The following GABRB2 variants were observed in gnomAD, a reference collection of about 807,000 sequenced individuals.
GABRB2 encodes gamma-aminobutyric acid type A receptor subunit beta2.
In GABRB2, 16 loss-of-function variants were observed where a neutral mutation model predicts 54.7. That is an observed-to-expected ratio of 0.29 (90% CI 0.20 to 0.44). GABRB2 has a LOEUF of 0.44. Among genes scored for constraint, GABRB2 ranks in the 20% least tolerant of loss-of-function variants. GABRB2 has a pLI of 1.00. For missense variants in GABRB2, 355 were observed against 644.0 expected (o/e 0.55, Z 4.86); for synonymous variants, 244 against 233.8 (o/e 1.04, Z -0.40).
At chr5:161,367,581 T>G (rs1755007146) in intron 5 of GABRB2, among the ~76,000 whole-genome samples, 1 of 152,240 alleles carries the variant, frequency 6.6e-6, no homozygotes, top group Admixed American at 6.5e-5. Context: ...ATTTCTAGTT[T>G]GTTGTATTTA....
Position 161,545,292 on chromosome 5 carries a change from G to C in GABRB2, c.172C>G (p.Pro58Ala), listed in dbSNP as rs769551029. 4.4e-6 allele frequency: 7 copies of C among 1,595,346 alleles called. No homozygotes were observed. The African/African-American group carries it at 8.2e-5, about 19-fold the overall frequency. Reference protein sequence around the residue: ...DIRLRPDFGGPPVAVGMNIDI... With the variant: ...DIRLRPDFGGAPVAVGMNIDI... ...ATGTTCATCCCCACAGCCACGGGGG[G>C]ACCTGCAAAGCAAGACGGCCAGCCA... Residue 58 changes from proline to alanine, a missense_variant and splice_region_variant, in exon 3 of 10, where the codon CCC becomes GCC. By Grantham distance (27) the Pro-to-Ala change is conservative. Coordinates refer to ENST00000393959, the MANE Select transcript of GABRB2 (RefSeq NM_001371727.1).
At chr5:161,327,399 A>AT (rs370109186) in intron 8 of GABRB2, among the ~76,000 whole-genome samples, 1,531 of 150,028 alleles carry the variant, frequency 0.01, 32 homozygotes, top group African/African-American at 0.035. Flanking sequence ...ATTTTATTTT[A>AT]TTTTTTTTTG....
intron 5 of GABRB2, among the ~76,000 whole-genome samples, chr5:161,402,305 T>C (rs1007584057): frequency 2.6e-5 from 4 of 152,126 alleles, no homozygotes; most frequent in Non-Finnish European, 5.9e-5. Context: ...ATAAGATATA[T>C]GTGATAATAC....
intron 9 of GABRB2, among the ~76,000 whole-genome samples, chr5:161,297,765 T>C (rs1050509881): frequency 5.9e-5 from 9 of 152,190 alleles, no homozygotes; most frequent in African/African-American, 2.2e-4. Context: ...GTCTTTATAG[T>C]AGAATGATTT....
intron 4 of GABRB2, among the ~76,000 whole-genome samples, chr5:161,455,672 A>G (rs969567288): frequency 6.6e-6 from 1 of 151,822 alleles, no homozygotes. Context: ...AGCAGGCACT[A>G]CAGGCACATG....
chr5:161,301,358 T>C (rs1757531348), intron 9 of GABRB2, among the ~76,000 whole-genome samples: 1 of 152,274 alleles, frequency 6.6e-6, no homozygotes, highest in East Asian at 1.9e-4. Context: ...ATGGATTTCC[T>C]GATTATCTTT....
At chr5:161,522,942 T>C (rs1760164201) in intron 3 of GABRB2, among the ~76,000 whole-genome samples, 1 of 150,412 alleles carries the variant, frequency 6.6e-6, no homozygotes, top group Admixed American at 6.6e-5. Context: ...AATTTGTGTA[T>C]GTGTGTGTGT....
intron 3 of GABRB2, among the ~76,000 whole-genome samples, chr5:161,479,298 G>T (rs559336605): frequency 6.6e-6 from 1 of 152,040 alleles, no homozygotes; most frequent in East Asian, 1.9e-4. Context: ...CAGGGTTGAA[G>T]TGGAATACCC....
chr5:161,360,058 T>A (rs994162680), intron 5 of GABRB2, among the ~76,000 whole-genome samples: 15 of 150,368 alleles, frequency 1.0e-4, no homozygotes, highest in African/African-American at 3.7e-4. Flanking sequence ...ACTACAGCCT[T>A]GGCGACACAG....
chr5:161,302,905 G>GAA (rs894042829), intron 9 of GABRB2, among the ~76,000 whole-genome samples: 13 of 152,288 alleles, frequency 8.5e-5, no homozygotes, highest in African/African-American at 3.1e-4. Flanking sequence ...CTGTGCTGAA[G>GAA]AAAATGGAGC....
chr5:161,418,048 T>C (rs1580969143), intron 4 of GABRB2, among the ~76,000 whole-genome samples: 1 of 150,606 alleles, frequency 6.6e-6, no homozygotes, highest in East Asian at 1.9e-4. Flanking sequence ...CTGTGACTCT[T>C]TCATTTTCTG....
rs138260516 is a variant in GABRB2 at position 161,395,861 on chromosome 5, C to A, written c.541+15114G>T. Among the ~76,000 whole-genome samples the A allele has an allele frequency of 5.2e-3, 787 of 152,120 alleles. 8 individuals carry two copies. The highest frequency in any genetic ancestry group is 0.018 in the African/African-American group (737 of 41,498). ...GCCCTTATACCTTCTACCTTGCTGTCATCAAAAGGTAATTCTCTCCAACTC... is the reference window on the plus strand; with the variant it reads ...GCCCTTATACCTTCTACCTTGCTGTAATCAAAAGGTAATTCTCTCCAACTC... On this transcript the variant is annotated intron_variant, in intron 5 of 9. Transcript: ENST00000393959.
At chr5:161,401,862 G>A (rs1317948086) in intron 5 of GABRB2, among the ~76,000 whole-genome samples, 4 of 152,010 alleles carry the variant, frequency 2.6e-5, no homozygotes, top group Non-Finnish European at 5.9e-5. Flanking sequence ...TTATATATTA[G>A]TGTATTCAGC....
rs553340710 is a variant in GABRB2 at position 161,299,259 on chromosome 5, T to A, written c.1192-4831A>T. Among the ~76,000 whole-genome samples, 26 of 152,330 alleles carry A rather than the reference T, an allele frequency of 1.7e-4. 1 individual carries two copies. The highest frequency in any genetic ancestry group is 6.0e-4 in the African/African-American group (25 of 41,578). On this transcript the variant is annotated intron_variant, in intron 9 of 9. Transcript: ENST00000393959. ...GTATGGGAAACCACCACTTCCCCAT[T>A]CTCAGTTACTATGTCTCTGCTGTGG...
At chr5:161,352,026 G>A (rs1754486056) in intron 5 of GABRB2, among the ~76,000 whole-genome samples, 2 of 151,984 alleles carry the variant, frequency 1.3e-5, no homozygotes, top group African/African-American at 4.8e-5. Context: ...CTGTTAGGAT[G>A]GCTATTATCA....
At chr5:161,430,502 A>T (rs1684921629) in intron 4 of GABRB2, among the ~76,000 whole-genome samples, 2 of 152,078 alleles carry the variant, frequency 1.3e-5, no homozygotes, top group African/African-American at 4.8e-5. Context: ...ACCAGAGTTG[A>T]CCATTTTCTA....
chr5:161,290,731 A>G lies in GABRB2; in HGVS notation c.*3350T>C, dbSNP rs1031047363. 22 of 152,528 alleles carry G rather than the reference A, an allele frequency of 1.4e-4. No homozygotes were observed. The highest frequency in any genetic ancestry group is 4.8e-4 in the African/African-American group (20 of 41,430). 9.4% of individuals were successfully genotyped at this position (152,528 alleles called of 1,614,324 possible). On this transcript the variant is annotated 3_prime_UTR_variant, in exon 10 of 10. Transcript: ENST00000393959. The stretch of plus-strand genomic sequence containing the variant: ...ATTTTTCTTGTTGAGTATGAAGGTA[A>G]TCATTAAACTGGAACACGGTTACCT...
chr5:161,476,934 A>G (rs974592819), intron 3 of GABRB2, among the ~76,000 whole-genome samples: 4 of 151,926 alleles, frequency 2.6e-5, no homozygotes, highest in African/African-American at 9.7e-5. Flanking sequence ...CAATGGGATT[A>G]CATCAAATTT....
intron 3 of GABRB2, among the ~76,000 whole-genome samples, chr5:161,519,527 C>A (rs1291358971): frequency 6.6e-6 from 1 of 152,026 alleles, no homozygotes; most frequent in Non-Finnish European, 1.5e-5. Flanking sequence ...TCACATTGAA[C>A]CCTCTAGGAT....
Sources: gnomAD v4.1 joint callset for allele counts (sites outside exome capture counted in the v4.1 genomes callset) on GRCh38, gnomAD v4.1.1 for gene constraint, MANE v1.5 for transcripts, NCBI Gene and HGNC (gene_info 2026-07-23, HGNC 2026-07-21) for gene names.